The following LGSN variants were observed in gnomAD, a reference collection of about 807,000 sequenced individuals.
The protein encoded by LGSN is lengsin, lens protein with glutamine synthetase domain, also known as lengsin.
LGSN carries 21 observed loss-of-function variants against 19.5 expected under a neutral mutation model. That is an observed-to-expected ratio of 1.07 (90% confidence interval 0.76 to 1.55). The LOEUF (loss-of-function observed/expected upper bound fraction) is 1.55, where lower values mean the gene tolerates loss of function less well. LGSN is among the 40% of genes most tolerant of loss of function. The pLI is 0.00. For synonymous variants in LGSN, 257 were observed against 215.6 expected, an observed-to-expected ratio of 1.19 and a Z score of -1.68; for missense variants, 673 against 608.5, an observed-to-expected ratio of 1.11 and a Z score of -1.12.
chr6:63,316,222 C>T (rs566469715), intron 1 of LGSN, among the ~76,000 whole-genome samples: 16 of 152,040 alleles, frequency 1.1e-4, no homozygotes, highest in South Asian at 2.1e-4. Context: ...CATATGTGAC[C>T]GAGAATGATA....
At chr6:63,393,567 C>A in the LGSN span, among the ~76,000 whole-genome samples, 44 of 152,232 alleles carry the variant, frequency 2.9e-4, no homozygotes, top group Middle Eastern at 3.4e-3. Flanking sequence ...TAGGGTGGGG[C>A]AACCAGTCTT....
the LGSN span, chr6:63,549,581 G>A: frequency 6.7e-6 from 4 of 599,768 alleles, no homozygotes; most frequent in South Asian, 4.2e-5. Context: ...TTTTTTTAAA[G>A]AAAACCTTTA....
At chr6:63,521,051 G>A in the LGSN span, among the ~76,000 whole-genome samples, 1 of 152,038 alleles carries the variant, frequency 6.6e-6, no homozygotes, top group East Asian at 1.9e-4. Context: ...CATGGACACA[G>A]GGAGGTGAAC....
At chr6:63,512,096 T>C in the LGSN span, among the ~76,000 whole-genome samples, 2 of 147,724 alleles carry the variant, frequency 1.4e-5, no homozygotes, top group Non-Finnish European at 3.0e-5. Flanking sequence ...TTTTTTTTTC[T>C]TTTTGAGACA....
chr6:63,478,930 T>C, the LGSN span, among the ~76,000 whole-genome samples: 1 of 152,138 alleles, frequency 6.6e-6, no homozygotes, highest in Non-Finnish European at 1.5e-5. Flanking sequence ...GATACCACAG[T>C]GGTTACAATG....
Position 63,277,147 on chromosome 6 carries a change from G to A in LGSN, c.*2874C>T, listed in dbSNP as rs1260694339. 1.3e-5 allele frequency: 2 copies of A among 152,130 alleles called. No individual in the cohort carries two copies. Among genetic ancestry groups the A allele is most frequent in the South Asian group, 4.1e-4 (2 of 4,826 alleles). 9.4% of individuals were successfully genotyped at this position (152,130 alleles called of 1,614,324 possible). A position where few individuals can be genotyped will look rare whatever the true frequency, so the allele number is the denominator to read the frequency against. On this transcript the variant is annotated 3_prime_UTR_variant, in exon 4 of 4. Transcript: ENST00000370657. Reference sequence around the variant, plus strand: ...CTTCACATGGCATCCTGAGTACTGTGTTTTTAAGTTATGCTAATAATGCGA... The same window carrying A: ...CTTCACATGGCATCCTGAGTACTGTATTTTTAAGTTATGCTAATAATGCGA...
chr6:63,315,072 G>T (rs1768786650), intron 1 of LGSN, among the ~76,000 whole-genome samples: 1 of 152,156 alleles, frequency 6.6e-6, no homozygotes. Flanking sequence ...AGGATGACAA[G>T]AAGAACATGT....
chr6:63,406,755 G>A, the LGSN span, among the ~76,000 whole-genome samples: 1 of 151,644 alleles, frequency 6.6e-6, no homozygotes, highest in Non-Finnish European at 1.5e-5. Context: ...TTTTTGAAAG[G>A]ATCAACAAAA....
intron 1 of LGSN, among the ~76,000 whole-genome samples, chr6:63,299,231 T>G (rs1768096499): frequency 6.6e-6 from 1 of 152,210 alleles, no homozygotes; most frequent in South Asian, 2.1e-4. Context: ...TTGAAACATA[T>G]CTGTAAAGGA....
chr6:63,360,045 C>T, the LGSN span, among the ~76,000 whole-genome samples: 14 of 152,132 alleles, frequency 9.2e-5, no homozygotes, highest in East Asian at 1.9e-4. Context: ...GTTAGTCTGA[C>T]GGGCTTCCCT....
the LGSN span, among the ~76,000 whole-genome samples, chr6:63,361,513 T>C: frequency 1.1e-4 from 16 of 152,234 alleles, no homozygotes; most frequent in Non-Finnish European, 2.1e-4. Context: ...AAAAGCGCAG[T>C]ATTAGGGTGG....
the LGSN span, among the ~76,000 whole-genome samples, chr6:63,479,745 A>C: frequency 6.6e-6 from 1 of 151,876 alleles, no homozygotes; most frequent in Non-Finnish European, 1.5e-5. Context: ...GTCTCAAACA[A>C]ACAAACAAAC....
the LGSN span, among the ~76,000 whole-genome samples, chr6:63,504,296 C>CA: frequency 6.6e-6 from 1 of 151,136 alleles, no homozygotes; most frequent in Admixed American, 6.6e-5. Context: ...GGCTGGAGTG[C>CA]AGTGGTGCAA....
chr6:63,301,876 A>T (rs1046296862), intron 1 of LGSN, among the ~76,000 whole-genome samples: 1 of 152,168 alleles, frequency 6.6e-6, no homozygotes, highest in Non-Finnish European at 1.5e-5. Flanking sequence ...AAACCTTTTA[A>T]TTATCAGTTA....
chr6:63,547,760 C>T, the LGSN span, among the ~76,000 whole-genome samples: 5 of 151,814 alleles, frequency 3.3e-5, no homozygotes, highest in East Asian at 1.9e-4. Flanking sequence ...ATCCACCCCC[C>T]TCGGCCTCCC....
At chr6:63,474,505 AG>A in the LGSN span, among the ~76,000 whole-genome samples, 2 of 150,848 alleles carry the variant, frequency 1.3e-5, no homozygotes, top group African/African-American at 4.9e-5. Flanking sequence ...GCTACTCAGG[AG>A]GTTGAGGCAG....
intron 1 of LGSN, among the ~76,000 whole-genome samples, chr6:63,308,523 A>G (rs972673606): frequency 1.6e-4 from 24 of 152,264 alleles, no homozygotes; most frequent in African/African-American, 5.1e-4. Context: ...TTTCTTTCCA[A>G]TATAATAATG....
the LGSN span, among the ~76,000 whole-genome samples, chr6:63,539,142 C>T: frequency 6.6e-6 from 1 of 152,182 alleles, no homozygotes; most frequent in Non-Finnish European, 1.5e-5. Flanking sequence ...GGTCCACCCA[C>T]CTTGGCTTCC....
At chr6:63,405,893 C>G in the LGSN span, among the ~76,000 whole-genome samples, 14 of 152,096 alleles carry the variant, frequency 9.2e-5, no homozygotes, top group African/African-American at 3.4e-4. Context: ...TCTGATAAAA[C>G]AGACTTTAAA....
Sources: allele counts gnomAD v4.1 joint callset (sites outside exome capture counted in the v4.1 genomes callset), GRCh38; gene constraint gnomAD v4.1.1; transcripts MANE v1.5; gene names NCBI Gene and HGNC (gene_info 2026-07-23, HGNC 2026-07-21).